The following SAMM50 variants were observed in gnomAD, a reference collection of about 807,000 sequenced individuals.
SAMM50 encodes SAMM50 sorting and assembly machinery component, also known as sorting and assembly machinery component 50 homolog.
Under a neutral mutation model 66.9 loss-of-function variants are expected in SAMM50, and 47 were observed. The ratio of observed to expected loss-of-function variants is 0.70; its 90% CI spans 0.56 to 0.90. The LOEUF (loss-of-function observed/expected upper bound fraction) is 0.90, where lower values mean the gene tolerates loss of function less well. Among genes scored for constraint, SAMM50 ranks in the 40% least tolerant of loss-of-function variants. The probability of loss-of-function intolerance (pLI) is 0.00; values close to 1 mark genes in which losing one functional copy is unlikely to be tolerated. For missense variants in SAMM50, 535 were observed against 595.3 expected (o/e 0.90, Z 1.05); for synonymous variants, 191 against 214.1 (o/e 0.89, Z 0.94).
At chr22:43,973,503 T>TG (rs1289955696) in intron 7 of SAMM50, among the ~76,000 whole-genome samples, 180 bp downstream of exon 7, 1 of 152,070 alleles carries the variant, frequency 6.6e-6, no homozygotes, top group African/African-American at 2.4e-5. Context: ...GACCCGAGAG[T>TG]GGCTGATGCC....
intron 14 of SAMM50, among the ~76,000 whole-genome samples, chr22:43,990,756 A>G (rs2050320129): frequency 6.6e-6 from 1 of 152,120 alleles, no homozygotes; most frequent in Non-Finnish European, 1.5e-5. Flanking sequence ...TTTGCAGGCC[A>G]GGGTCTCTAG....
At chr22:43,970,896 G>A (rs2050200157) in intron 4 of SAMM50, among the ~76,000 whole-genome samples, 1 of 152,180 alleles carries the variant, frequency 6.6e-6, no homozygotes, top group African/African-American at 2.4e-5. Context: ...GCCAGGCGGG[G>A]TGGCTCACGC....
chr22:43,993,844 C>A (rs1365284395), intron 14 of SAMM50, among the ~76,000 whole-genome samples: 2 of 152,220 alleles, frequency 1.3e-5, no homozygotes, highest in Non-Finnish European at 2.9e-5. Context: ...GAGGCAGGCA[C>A]ACTGTAAATA....
chr22:43,962,489 C>G (rs573610538), intron 1 of SAMM50, among the ~76,000 whole-genome samples: 1 of 152,090 alleles, frequency 6.6e-6, no homozygotes, highest in Non-Finnish European at 1.5e-5. Context: ...TCAGAAGTTG[C>G]TTTAATATTT....
At chr22:43,960,350 T>C (rs182926968) in intron 1 of SAMM50, among the ~76,000 whole-genome samples, 34 of 152,332 alleles carry the variant, frequency 2.2e-4, no homozygotes, top group Admixed American at 1.1e-3. Flanking sequence ...TCAGTACTTA[T>C]TTGTTAAATG....
In SAMM50 at chr22:43,996,438, C is replaced by A; in HGVS notation, c.*55C>A. The A allele has an allele frequency of 6.6e-7, 1 of 1,511,644 alleles. No individual in the cohort carries two copies. Among genetic ancestry groups the A allele is most frequent in the South Asian group, 1.1e-5 (1 of 89,050 alleles). The allele number at this position is 1,511,644 out of a possible 1,614,324, so 93.6% of individuals were successfully genotyped here. ...CTGGGGCAGCAGCAAGGCGCCCATG[C>A]CACACACCGTCTCTCGAGGAAACGC... is the stretch of plus-strand genomic sequence containing the variant. On this transcript the variant is annotated 3_prime_UTR_variant, in exon 15 of 15. Coordinates refer to ENST00000350028, the MANE Select transcript of SAMM50 (RefSeq NM_015380.5).
chr22:43,982,236 T>C (rs190982584), intron 11 of SAMM50, among the ~76,000 whole-genome samples: 27 of 152,352 alleles, frequency 1.8e-4, no homozygotes, highest in Admixed American at 1.6e-3. Flanking sequence ...TGAATCTAAT[T>C]TACAAAAGTA....
intron 9 of SAMM50, among the ~76,000 whole-genome samples, chr22:43,977,135 G>A (rs566609284): frequency 4.6e-5 from 7 of 152,212 alleles, no homozygotes; most frequent in Admixed American, 6.5e-5. Flanking sequence ...GAGAGTGTCC[G>A]AAGGCAGGGG....
chr22:43,977,800 C>G, intron 9 of SAMM50, 72 bp from the exon 10 acceptor site: 1 of 1,041,774 alleles, frequency 9.6e-7, no homozygotes. Flanking sequence ...AATCCTGATG[C>G]AAAAACATGA....
chr22:43,957,614 G>C (rs189162603), intron 1 of SAMM50, among the ~76,000 whole-genome samples: 1 of 152,166 alleles, frequency 6.6e-6, no homozygotes, highest in Non-Finnish European at 1.5e-5. Flanking sequence ...GTAGAGACGG[G>C]GGTTTCATCA....
intron 3 of SAMM50, among the ~76,000 whole-genome samples, chr22:43,967,607 C>T (rs1479740327): frequency 6.6e-6 from 1 of 152,206 alleles, no homozygotes; most frequent in African/African-American, 2.4e-5. Flanking sequence ...TGCCAGAGCA[C>T]CCCCTGCATC....
rs200129176 is a variant in SAMM50, at chr22:43,964,545, C to T, written c.226C>T (p.Leu76=). 3.8e-6 allele frequency: 6 copies of T among 1,569,436 alleles called. No individual in the cohort carries two copies. Among genetic ancestry groups the T allele is most frequent in the Non-Finnish European group, 8.8e-7 (1 of 1,139,592 alleles). The change falls in exon 3 of 15, where the codon CTA becomes TTA. Residue 76 remains leucine (L), a synonymous_variant. Transcript: ENST00000350028. ...EIGDVFKAKN[L]IEVMRKSHEA... ...TGGAGATGTTTTCAAGGCCAAAAACCTAATTGAGGTAGGTGTGGTCTCTAC... is the reference window on the plus strand; with the variant it reads ...TGGAGATGTTTTCAAGGCCAAAAACTTAATTGAGGTAGGTGTGGTCTCTAC...
rs2050274237 is a variant in SAMM50 at position 43,983,288 on chromosome 22, A to T, written c.1008-645A>T. Among the ~76,000 whole-genome samples the T allele has an allele frequency of 6.6e-6, 1 of 152,212 alleles. No homozygotes were observed. Among genetic ancestry groups the T allele is most frequent in the Non-Finnish European group, 1.5e-5 (1 of 68,032 alleles). On this transcript the variant is annotated intron_variant, in intron 11 of 14. Transcript: ENST00000350028. The surrounding 1 kb of genome is among the most constrained non-coding windows in gnomAD (Gnocchi z 4.2). ...CATTTAAATTCATTTTTTAGTAATT[A>T]TCATAATCTAAAATCGGGTTCTAAT...
At chr22:43,963,167 C>A in intron 1 of SAMM50, 119 bp from the exon 2 acceptor site, 2 of 626,566 alleles carry the variant, frequency 3.2e-6, no homozygotes, top group Non-Finnish European at 5.6e-6. Context: ...GCCCCTACCT[C>A]TACTTGAAGG....
At chr22:43,984,480 T>C (rs774395414) in intron 12 of SAMM50, among the ~76,000 whole-genome samples, 2 of 137,064 alleles carry the variant, frequency 1.5e-5, no homozygotes, top group Non-Finnish European at 3.2e-5. Flanking sequence ...GCCTAGCTAA[T>C]TTTTGTATTT....
chr22:43,975,977 G>T, intron 7 of SAMM50, 78 bp from the exon 8 acceptor site: 3 of 1,426,412 alleles, frequency 2.1e-6, no homozygotes, highest in Non-Finnish European at 2.9e-6. Flanking sequence ...GTTTCATGAT[G>T]CTTCATTCCA....
intron 1 of SAMM50, among the ~76,000 whole-genome samples, chr22:43,956,585 G>A (rs1412805583): frequency 1.3e-5 from 2 of 152,226 alleles, no homozygotes; most frequent in Non-Finnish European, 2.9e-5. Flanking sequence ...CAGAGAAAGA[G>A]TTTCAGTTGC....
intron 7 of SAMM50, among the ~76,000 whole-genome samples, chr22:43,974,201 C>T (rs1569029471): frequency 6.6e-6 from 1 of 152,134 alleles, no homozygotes; most frequent in Non-Finnish European, 1.5e-5. Flanking sequence ...TTCGCGGGCT[C>T]CACCTTGAGC....
At chr22:43,990,915 A>G (rs776171533) in intron 14 of SAMM50, among the ~76,000 whole-genome samples, 1 of 152,168 alleles carries the variant, frequency 6.6e-6, no homozygotes, top group Non-Finnish European at 1.5e-5. Context: ...ACATGGGTGA[A>G]TATGGTATAG....
Sources: allele counts gnomAD v4.1 joint callset (sites outside exome capture counted in the v4.1 genomes callset), GRCh38; gene constraint gnomAD v4.1.1; non-coding constraint Gnocchi (gnomAD v3.1); transcripts MANE v1.5; gene names NCBI Gene and HGNC (gene_info 2026-07-23, HGNC 2026-07-21).